AK7: variants seen among roughly 807,000 people sequenced by gnomAD.
AK7 encodes adenylate kinase 7.
In AK7, 78 loss-of-function variants were observed where a neutral mutation model predicts 96.6. The observed-to-expected ratio is 0.81, with a 90% CI of 0.67 to 0.97. The LOEUF is 0.97. Among genes scored for constraint, AK7 ranks in the 50% least tolerant of loss-of-function variants. The pLI, the probability that AK7 is intolerant of heterozygous loss-of-function variation, is 0.00. For missense variants in AK7, 855 were observed against 887.9 expected (o/e 0.96, Z 0.47); for synonymous variants, 302 against 317.2 (o/e 0.95, Z 0.51).
Position 96,399,956 on chromosome 14 carries a change from C to A in AK7, c.294+1693C>A, listed in dbSNP as rs1175042964. Among the ~76,000 whole-genome samples the A allele has an allele frequency of 1.3e-5, 2 of 151,894 alleles. No individual in the cohort carries two copies. The highest frequency in any genetic ancestry group is 1.5e-5 in the Non-Finnish European group (1 of 67,984). Reference sequence around the variant, plus strand: ...AATCCGACTGCCTCCTAGACCAGTCCCCGGTTGTCCTGCAGGCATTGCTGA... The same window carrying A: ...AATCCGACTGCCTCCTAGACCAGTCACCGGTTGTCCTGCAGGCATTGCTGA... On this transcript the variant is annotated intron_variant, in intron 2 of 17. Transcript: ENST00000267584. This position sits in a 1 kb window ranked among gnomAD's most constrained non-coding sequence, Gnocchi z 4.1.
intron 16 of AK7, among the ~76,000 whole-genome samples, chr14:96,486,275 G>T (rs1895767021): frequency 1.3e-5 from 2 of 152,132 alleles, no homozygotes; most frequent in Admixed American, 1.3e-4. Context: ...ATTCTTAGGT[G>T]CACCTACCAT....
At chr14:96,435,485 A>T (rs1163542642) in intron 5 of AK7, among the ~76,000 whole-genome samples, 1 of 152,178 alleles carries the variant, frequency 6.6e-6, no homozygotes, top group South Asian at 2.1e-4. Flanking sequence ...GCCACGAGCC[A>T]TGCAGCTTGG....
chr14:96,400,320 C>G (rs1356336495), intron 2 of AK7, among the ~76,000 whole-genome samples: 3 of 151,982 alleles, frequency 2.0e-5, no homozygotes, highest in Non-Finnish European at 4.4e-5. Context: ...GATTACAGGC[C>G]TGAGCCACCA....
chr14:96,474,718 TTTTG>T (rs1307082928), intron 14 of AK7, among the ~76,000 whole-genome samples: 1 of 152,228 alleles, frequency 6.6e-6, no homozygotes, highest in Admixed American at 6.5e-5. Context: ...GTCCAGTGCA[TTTTG>T]TTTATCACTT....
At chr14:96,452,272 T>A (rs1447496952) in intron 10 of AK7, among the ~76,000 whole-genome samples, 2 of 152,188 alleles carry the variant, frequency 1.3e-5, no homozygotes, top group Admixed American at 1.3e-4. Context: ...AGGTGGATAT[T>A]CTTATCTATA....
intron 5 of AK7, among the ~76,000 whole-genome samples, chr14:96,424,863 A>G (rs1891932473): frequency 1.3e-5 from 2 of 152,138 alleles, no homozygotes; most frequent in Non-Finnish European, 2.9e-5. Context: ...TTGATCATTT[A>G]TGTTTAATTT....
chr14:96,415,402 A>G (rs1428433572), intron 4 of AK7, among the ~76,000 whole-genome samples: 1 of 152,172 alleles, frequency 6.6e-6, no homozygotes, highest in East Asian at 1.9e-4. Flanking sequence ...GATTCCATGT[A>G]TATTTGAACA....
chr14:96,488,768 T>C lies in AK7; in HGVS notation c.*425T>C, dbSNP rs994240691. ...TATTAGAAATGGAAATAAATTGAAGTGATTTATGCCTGTTGACTCACAGTA... is the reference window on the plus strand; with the variant it reads ...TATTAGAAATGGAAATAAATTGAAGCGATTTATGCCTGTTGACTCACAGTA... On this transcript the variant is annotated 3_prime_UTR_variant, in exon 18 of 18. Coordinates refer to ENST00000267584, the MANE Select transcript of AK7 (RefSeq NM_152327.5). 2.0e-5 allele frequency: 3 copies of C among 152,680 alleles called. No individual in the cohort carries two copies. Among genetic ancestry groups the C allele is most frequent in the African/African-American group, 7.2e-5 (3 of 41,398 alleles). 9.5% of individuals were successfully genotyped at this position (152,680 alleles called of 1,614,324 possible). A position where few individuals can be genotyped will look rare whatever the true frequency, so the allele number is the denominator to read the frequency against.
chr14:96,397,768 G>A (rs890357186), intron 1 of AK7, among the ~76,000 whole-genome samples: 3 of 152,160 alleles, frequency 2.0e-5, no homozygotes, highest in African/African-American at 7.2e-5. Flanking sequence ...CTATATTTCT[G>A]TTGGACAACA....
At chr14:96,403,731 AC>A (rs746783702) in intron 2 of AK7, among the ~76,000 whole-genome samples, 18 of 152,228 alleles carry the variant, frequency 1.2e-4, no homozygotes, top group Non-Finnish European at 2.1e-4. Flanking sequence ...GGGAATAACA[AC>A]TAATGCAAAT....
At chr14:96,442,420 T>C (rs1383193266) in intron 6 of AK7, among the ~76,000 whole-genome samples, 2 of 152,234 alleles carry the variant, frequency 1.3e-5, no homozygotes, top group Non-Finnish European at 2.9e-5. Context: ...TGAGAGGTTG[T>C]AGATTTCTTG....
Position 96,442,800 on chromosome 14 carries a change from A to G in AK7, c.761A>G (p.His254Arg), listed in dbSNP as rs780567134. ...GGAACAAATGTAATTCCAACAATCC[A>G]TGTTCTTGATCTAGCAGGGTAAGCA... is the stretch of plus-strand genomic sequence containing the variant. ...GDGTNVIPTI[H>R]VLDLAGVIQN... Residue 254 changes from histidine to arginine, a missense_variant, in exon 7 of 18, where the codon CAT (histidine) becomes CGT (arginine). Physicochemically the swap from His to Arg is conservative, Grantham distance 29. Coordinates refer to ENST00000267584, the MANE Select transcript of AK7 (RefSeq NM_152327.5). 5.5e-5 allele frequency: 88 copies of G among 1,613,940 alleles called. No homozygotes were observed. Among genetic ancestry groups the G allele is most frequent in the Non-Finnish European group, 7.1e-5 (84 of 1,179,904 alleles).
At chr14:96,482,865 G>A in intron 15 of AK7, 134 bp from the exon 16 acceptor site, 2 of 918,050 alleles carry the variant, frequency 2.2e-6, no homozygotes, top group Non-Finnish European at 3.2e-6. Context: ...AACTATGCTG[G>A]CAATTAGAAA....
chr14:96,469,547 G>A (rs1454289178), intron 12 of AK7, among the ~76,000 whole-genome samples: 1 of 151,850 alleles, frequency 6.6e-6, no homozygotes, highest in Non-Finnish European at 1.5e-5. Flanking sequence ...GAAAATAGAC[G>A]GCTTAAATAA....
intron 7 of AK7, among the ~76,000 whole-genome samples, chr14:96,443,647 C>T (rs1893074055): frequency 6.6e-6 from 1 of 152,070 alleles, no homozygotes. Flanking sequence ...AAGAAGGATC[C>T]TATGAGTCAG....
chr14:96,478,699 G>A (rs1895332379), intron 15 of AK7, 37 bp downstream of exon 15: 1 of 1,601,520 alleles, frequency 6.2e-7, no homozygotes. Flanking sequence ...GAATGTCCAG[G>A]ACCCCCAGCA....
intron 17 of AK7, 113 bp downstream of exon 17, chr14:96,487,169 G>GT (rs1286128317): frequency 2.0e-6 from 2 of 1,002,802 alleles, no homozygotes; most frequent in East Asian, 5.3e-5. Context: ...GTGGTCAGGA[G>GT]TTAGAGACCA....
intron 1 of AK7, among the ~76,000 whole-genome samples, chr14:96,393,624 T>A (rs1188024157): frequency 2.0e-5 from 3 of 152,178 alleles, no homozygotes; most frequent in Non-Finnish European, 4.4e-5. Flanking sequence ...TGTCTCTGTG[T>A]CAAAACTTCC....
intron 15 of AK7, 44 bp from the exon 16 acceptor site, chr14:96,482,955 C>A: frequency 6.3e-7 from 1 of 1,591,010 alleles, no homozygotes. Context: ...TGCAGGCAGG[C>A]CTAGAATATA....
Sources: gnomAD v4.1 joint callset for allele counts (sites outside exome capture counted in the v4.1 genomes callset) on GRCh38, gnomAD v4.1.1 for gene constraint, Gnocchi (gnomAD v3.1) non-coding constraint, MANE v1.5 for transcripts, NCBI Gene and HGNC (gene_info 2026-07-23, HGNC 2026-07-21) for gene names.